Variants in GPM6B observed in about 807,000 individuals in gnomAD.
The protein encoded by GPM6B is neuronal membrane glycoprotein M6-b.
In GPM6B, 4 loss-of-function variants were observed where a neutral mutation model predicts 27.2. The ratio of observed to expected loss-of-function variants is 0.15; its 90% CI spans 0.07 to 0.34. GPM6B has a LOEUF of 0.34. GPM6B is among the 10% of genes least tolerant of loss of function. GPM6B has a pLI of 1.00. For missense variants in GPM6B, 183 were observed against 261.9 expected, an observed-to-expected ratio of 0.70 and a Z score of 2.08; for synonymous variants, 124 against 103.1, an observed-to-expected ratio of 1.20 and a Z score of -1.23.
At chrX:13,938,515 G>A, upstream of GPM6B, 1 of 933,591 alleles carries the variant, frequency 1.1e-6, no homozygotes, top group East Asian at 3.9e-5. Context: ...ACCCATGGCT[G>A]GAGACTGGCG....
intron 1 of GPM6B, among the ~76,000 whole-genome samples, chrX:13,831,397 G>A (rs1326417719): frequency 1.8e-5 from 2 of 111,253 alleles, no homozygotes; most frequent in Non-Finnish European, 3.8e-5. Context: ...CAGTCACGAG[G>A]CCATGGACAA....
At position 13,836,556 on chromosome X, in the gene GPM6B, GTTTA is replaced by G. The variant is rs771527666; in HGVS notation, c.-197-50752_-197-50749del. Among the ~76,000 whole-genome samples the G allele has an allele frequency of 5.6e-4, 63 of 112,331 alleles. No homozygotes were observed. The South Asian group carries it at 8.1e-3, about 14-fold the overall frequency. On this transcript the variant is annotated intron_variant, in intron 1 of 6. Transcript: ENST00000398361. ...GAGTCAAGAGAAGCAAAGATGCTAT[GTTTA>G]TTTATTTATGTATTTATTTTTAAAA...
chrX:13,845,873 C>T (rs2049639763), intron 1 of GPM6B, among the ~76,000 whole-genome samples: 1 of 111,765 alleles, frequency 8.9e-6, no homozygotes, highest in Admixed American at 9.5e-5. Context: ...ACATGGTCAA[C>T]CTCCAAATTA....
At chrX:13,923,321 C>G (rs773508378) in intron 1 of GPM6B, among the ~76,000 whole-genome samples, 3 of 111,832 alleles carry the variant, frequency 2.7e-5, no homozygotes, top group African/African-American at 9.7e-5. Flanking sequence ...ATGGCAGCAC[C>G]CTGTGAAAAA....
chrX:13,787,041 C>CAAAAAAAAA lies in GPM6B; in HGVS notation c.182-1242_182-1234dup, dbSNP rs869123073. Among the ~76,000 whole-genome samples the CAAAAAAAAA allele has an allele frequency of 5.3e-3, 129 of 24,499 alleles. 13 individuals are homozygous for CAAAAAAAAA. The highest frequency in any genetic ancestry group is 7.2e-3 in the African/African-American group (35 of 4,879). 21.3% of individuals were successfully genotyped at this position (24,499 alleles called of 115,157 possible). ...CTTTAGGGCAAGCACATTAAGCCAG[C>CAAAAAAAAA]AAAAAAAAAAAAAAAAAAAAAAAAA... On this transcript the variant is annotated intron_variant, in intron 2 of 7. Transcript: ENST00000316715.
rs189793984 is a variant in GPM6B, at chrX:13,861,672, A to G, written c.-197-75864T>C. 1.9e-3 allele frequency among the ~76,000 whole-genome samples: 214 copies of G among 112,128 alleles called. 2 individuals carry two copies. Among genetic ancestry groups the G allele is most frequent in the African/African-American group, 6.4e-3 (199 of 30,884 alleles). On this transcript the variant is annotated intron_variant, in intron 1 of 6. Coordinates refer to the GPM6B transcript ENST00000398361. ...AGGATTCAATACTGAACTTAATCAGATAAGAAAAATCTCTTTTAGGCTCTT... is the reference window on the plus strand; with the variant it reads ...AGGATTCAATACTGAACTTAATCAGGTAAGAAAAATCTCTTTTAGGCTCTT...
intron 1 of GPM6B, among the ~76,000 whole-genome samples, chrX:13,922,329 C>G (rs1603141940): frequency 8.9e-6 from 1 of 111,783 alleles, no homozygotes; most frequent in East Asian, 2.8e-4. Context: ...CCAACAAGGT[C>G]TCCAGACATT....
intron 1 of GPM6B, among the ~76,000 whole-genome samples, chrX:13,852,381 T>C (rs893229359): frequency 1.8e-5 from 2 of 111,532 alleles, no homozygotes; most frequent in Admixed American, 1.9e-4. Flanking sequence ...TCAGCTCTTT[T>C]CATTTTCAAT....
chrX:13,867,898 G>A (rs867362995), intron 1 of GPM6B, among the ~76,000 whole-genome samples: 2 of 111,747 alleles, frequency 1.8e-5, no homozygotes, highest in Non-Finnish European at 3.8e-5. Flanking sequence ...CCCAAATGAT[G>A]TGTTCACCCA....
chrX:13,887,198 C>T (rs931515347), intron 1 of GPM6B, among the ~76,000 whole-genome samples: 5 of 112,340 alleles, frequency 4.5e-5, no homozygotes, highest in African/African-American at 1.6e-4. Context: ...TGTGTTTTCC[C>T]TGCTGGTAAC....
intron 1 of GPM6B, among the ~76,000 whole-genome samples, chrX:13,865,733 G>A (rs2049909325): frequency 1.9e-5 from 2 of 106,536 alleles, no homozygotes; most frequent in African/African-American, 6.8e-5. Flanking sequence ...CTCCAGCCTG[G>A]GTGACAGAGC....
rs72226692 is a variant in GPM6B at position 13,872,163 on chromosome X, CTTTTTTTTTTT to C, written c.-198+66153_-198+66163del. ...GAGAAGGCTGCAATATGTGACATCA[CTTTTTTTTTTT>C]TTTTTTTTTTTTTTTTAGACAGGGT... On this transcript the variant is annotated intron_variant, in intron 1 of 6. Transcript: ENST00000398361. 1.9e-4 allele frequency among the ~76,000 whole-genome samples: 5 copies of C among 25,825 alleles called. 1 individual carries two copies. In the South Asian group the frequency reaches 0.013, roughly 67 times the overall value. The allele number at this position is 25,825 out of a possible 115,157, so 22.4% of individuals were successfully genotyped here.
At chrX:13,844,580 G>A (rs1462075513) in intron 1 of GPM6B, among the ~76,000 whole-genome samples, 1 of 111,988 alleles carries the variant, frequency 8.9e-6, no homozygotes, top group Non-Finnish European at 1.9e-5. Flanking sequence ...TTATTCCACT[G>A]GATACAATAA....
intron 2 of GPM6B, among the ~76,000 whole-genome samples, chrX:13,787,552 G>A (rs769706815): frequency 3.6e-5 from 4 of 111,528 alleles, no homozygotes; most frequent in Non-Finnish European, 5.7e-5. Context: ...GCAAGACTCC[G>A]TCTCAAAAAA....
chrX:13,792,890 C>T (rs2048739471), intron 2 of GPM6B, among the ~76,000 whole-genome samples: 1 of 71,743 alleles, frequency 1.4e-5, no homozygotes, highest in Admixed American at 1.7e-4. Flanking sequence ...CAGAGCGAGA[C>T]TCCGTTTAAA....
chrX:13,782,859 CCT>C (rs749343637), intron 4 of GPM6B, among the ~76,000 whole-genome samples: 1 of 111,970 alleles, frequency 8.9e-6, no homozygotes, highest in Non-Finnish European at 1.9e-5. Flanking sequence ...TTTGCTAACC[CCT>C]GTCTTAGACT....
intron 1 of GPM6B, among the ~76,000 whole-genome samples, chrX:13,908,460 G>C (rs1258854135): frequency 8.9e-6 from 1 of 112,199 alleles, no homozygotes; most frequent in Non-Finnish European, 1.9e-5. Context: ...CTCTTCAAGA[G>C]TCAAAGTCGA....
At chrX:13,774,286 A>G (rs2048364860) in intron 7 of GPM6B, 4 of 899,506 alleles carry the variant, frequency 4.4e-6, no homozygotes, top group Admixed American at 5.3e-5. Context: ...GTATGAGAAC[A>G]TTATTTTAAA....
At chrX:13,897,662 CTG>C (rs1425081409) in intron 1 of GPM6B, among the ~76,000 whole-genome samples, 6 of 111,949 alleles carry the variant, frequency 5.4e-5, no homozygotes, top group Non-Finnish European at 1.1e-4. Flanking sequence ...AATCTTCAAT[CTG>C]TGGATAATAT....
Sources: allele counts gnomAD v4.1 joint callset (sites outside exome capture counted in the v4.1 genomes callset), GRCh38; gene constraint gnomAD v4.1.1; transcripts MANE v1.5; gene names NCBI Gene and HGNC (gene_info 2026-07-23, HGNC 2026-07-21).